The following PLCL1 variants were observed in gnomAD, a reference collection of about 807,000 sequenced individuals.
PLCL1 encodes phospholipase C like 1 (inactive), also known as inactive phospholipase C-like protein 1.
Under a neutral mutation model 84.4 loss-of-function variants are expected in PLCL1, and 41 were observed. That is an observed-to-expected ratio of 0.49 (90% confidence interval 0.38 to 0.63). The LOEUF (loss-of-function observed/expected upper bound fraction) is 0.63. Ranked by LOEUF, PLCL1 falls within the 30% of genes least tolerant of loss-of-function variation. The pLI, the probability that PLCL1 is intolerant of heterozygous loss-of-function variation, is 0.00. For synonymous variants in PLCL1, 490 were observed against 488.3 expected, an observed-to-expected ratio of 1.00 and a Z score of -0.05; for missense variants, 1,206 against 1,367.8, an observed-to-expected ratio of 0.88 and a Z score of 1.87.
intron 1 of PLCL1, among the ~76,000 whole-genome samples, chr2:197,875,545 A>G (rs899201687): frequency 2.0e-5 from 3 of 152,040 alleles, no homozygotes; most frequent in Admixed American, 2.0e-4. Context: ...AGCTTCCTTT[A>G]TATTTTGTGT....
At chr2:197,838,624 C>A (rs1691236917) in intron 1 of PLCL1, among the ~76,000 whole-genome samples, 1 of 152,054 alleles carries the variant, frequency 6.6e-6, no homozygotes, top group South Asian at 2.1e-4. Context: ...ATTTCTATAC[C>A]ATTCTGGAGA....
intron 5 of PLCL1, among the ~76,000 whole-genome samples, chr2:198,117,380 G>A (rs1358629269): frequency 7.0e-6 from 1 of 143,424 alleles, no homozygotes; most frequent in Non-Finnish European, 1.5e-5. Context: ...TTTTTTGTAA[G>A]CAAAGATATA....
chr2:198,132,839 C>T (rs1249224351), intron 5 of PLCL1, among the ~76,000 whole-genome samples: 1 of 151,732 alleles, frequency 6.6e-6, no homozygotes. Context: ...TTAATTAGAC[C>T]CCATTTGTCA....
intron 5 of PLCL1, among the ~76,000 whole-genome samples, chr2:198,136,257 G>A (rs886377866): frequency 1.3e-5 from 2 of 152,060 alleles, no homozygotes; most frequent in African/African-American, 4.8e-5. Flanking sequence ...GGCAGGCATT[G>A]TTCTAAAGAA....
intron 5 of PLCL1, among the ~76,000 whole-genome samples, chr2:198,113,854 A>T (rs1320163207): frequency 6.6e-6 from 1 of 151,884 alleles, no homozygotes; most frequent in African/African-American, 2.4e-5. Flanking sequence ...AAATTAATTT[A>T]ATCATCCACC....
At chr2:197,985,534 A>G (rs1690203090) in intron 1 of PLCL1, among the ~76,000 whole-genome samples, 1 of 152,216 alleles carries the variant, frequency 6.6e-6, no homozygotes, top group Non-Finnish European at 1.5e-5. Context: ...GTTTGTAAGT[A>G]AAGTTTTATT....
intron 1 of PLCL1, among the ~76,000 whole-genome samples, chr2:197,872,067 C>CT (rs1687659340): frequency 6.6e-6 from 1 of 152,094 alleles, no homozygotes; most frequent in Non-Finnish European, 1.5e-5. Flanking sequence ...GATTACAAAC[C>CT]TTTTGTGAGT....
Position 197,805,768 on chromosome 2 carries a change from C to T in PLCL1, c.240+429C>T, listed in dbSNP as rs540740587. 2.0e-5 allele frequency among the ~76,000 whole-genome samples: 3 copies of T among 152,190 alleles called. No homozygotes were observed. Among genetic ancestry groups the T allele is most frequent in the Middle Eastern group, 3.2e-3 (1 of 316 alleles). ...ACTCTCAAGTGTAAAAAAAGAATCC[C>T]TCTAGACTTAAATGATCCCGAAATC... On this transcript the variant is annotated intron_variant, in intron 1 of 5. Coordinates refer to ENST00000428675, the MANE Select transcript of PLCL1 (RefSeq NM_006226.4). This position sits in a 1 kb window ranked among gnomAD's most constrained non-coding sequence, Gnocchi z 4.0.
chr2:197,886,530 G>C (rs1025369112), intron 1 of PLCL1, among the ~76,000 whole-genome samples: 1 of 148,804 alleles, frequency 6.7e-6, no homozygotes, highest in East Asian at 2.1e-4. Flanking sequence ...TCCCTGGATT[G>C]TCAGTTTATT....
chr2:197,955,181 A>G (rs1689460861), intron 1 of PLCL1, among the ~76,000 whole-genome samples: 2 of 151,984 alleles, frequency 1.3e-5, no homozygotes, highest in Admixed American at 6.6e-5. Flanking sequence ...CCTGGCTCTC[A>G]GTCTTTTCTT....
chr2:197,814,983 T>C (rs1305799281), intron 1 of PLCL1, among the ~76,000 whole-genome samples: 1 of 152,166 alleles, frequency 6.6e-6, no homozygotes, highest in Non-Finnish European at 1.5e-5. Context: ...ATCTCTATAA[T>C]GTAAAATTGC....
At chr2:197,831,114 G>A (rs1691049673) in intron 1 of PLCL1, among the ~76,000 whole-genome samples, 1 of 152,022 alleles carries the variant, frequency 6.6e-6, no homozygotes, top group Admixed American at 6.6e-5. Context: ...ATCAACTAAT[G>A]GGCAAAATAA....
chr2:198,091,316 T>C (rs944510849), intron 3 of PLCL1, among the ~76,000 whole-genome samples: 6 of 152,208 alleles, frequency 3.9e-5, no homozygotes, highest in Non-Finnish European at 2.9e-5. Context: ...GCATCTTTAA[T>C]GCTCTTAGTG....
At chr2:198,074,719 G>A (rs927009509) in intron 1 of PLCL1, among the ~76,000 whole-genome samples, 1 of 152,160 alleles carries the variant, frequency 6.6e-6, no homozygotes, top group African/African-American at 2.4e-5. Flanking sequence ...CACTACATAG[G>A]ACACAAAGAG....
rs190051801 is a variant in PLCL1 at position 197,991,432 on chromosome 2, C to T, written c.241-92326C>T. On this transcript the variant is annotated intron_variant, in intron 1 of 5. Coordinates refer to ENST00000428675, the MANE Select transcript of PLCL1 (RefSeq NM_006226.4). ...CTTCCCTCTCTCATTCTCTCCTTTCCTCTCTGTGCATATATAACCTCCTTT... is the reference window on the plus strand; with the variant it reads ...CTTCCCTCTCTCATTCTCTCCTTTCTTCTCTGTGCATATATAACCTCCTTT... Among the ~76,000 whole-genome samples the T allele has an allele frequency of 3.7e-3, 561 of 152,204 alleles. 5 individuals are homozygous for T. Among genetic ancestry groups the T allele is most frequent in the African/African-American group, 0.013 (536 of 41,536 alleles).
At chr2:197,960,652 T>C (rs558089653) in intron 1 of PLCL1, among the ~76,000 whole-genome samples, 2 of 152,178 alleles carry the variant, frequency 1.3e-5, no homozygotes, top group African/African-American at 4.8e-5. Context: ...ATGGAGAAGC[T>C]TAGAGGACCA....
rs187040798 is a variant in PLCL1, at chr2:197,879,082, G to A, written c.240+73743G>A. On this transcript the variant is annotated intron_variant, in intron 1 of 5. Transcript: ENST00000428675. The stretch of plus-strand genomic sequence containing the variant: ...AGCTTCCTTCTGCAGTTCCTTCCAT[G>A]ACTTCATGTGCTCACACCCAGCCCA... 4.8e-3 allele frequency among the ~76,000 whole-genome samples: 725 copies of A among 152,286 alleles called. 3 individuals are homozygous for A. Among genetic ancestry groups the A allele is most frequent in the Admixed American group, 8.8e-3 (135 of 15,294 alleles).
At chr2:198,054,009 G>T (rs1692005146) in intron 1 of PLCL1, among the ~76,000 whole-genome samples, 1 of 152,174 alleles carries the variant, frequency 6.6e-6, no homozygotes, top group Non-Finnish European at 1.5e-5. Flanking sequence ...AGAGGAAAGA[G>T]ATCAGGGGTA....
At chr2:197,820,370 C>T (rs1024698829) in intron 1 of PLCL1, among the ~76,000 whole-genome samples, 1 of 152,046 alleles carries the variant, frequency 6.6e-6, no homozygotes. Context: ...TTCCTCTGTG[C>T]ATTGTCAGTG....
Sources: allele counts gnomAD v4.1 joint callset (sites outside exome capture counted in the v4.1 genomes callset), GRCh38; gene constraint gnomAD v4.1.1; non-coding constraint Gnocchi (gnomAD v3.1); transcripts MANE v1.5; gene names NCBI Gene and HGNC (gene_info 2026-07-23, HGNC 2026-07-21).